IFT140: variants seen among roughly 807,000 people sequenced by gnomAD.
IFT140 encodes intraflagellar transport protein 140 homolog.
In IFT140, 133 loss-of-function variants were observed where a neutral mutation model predicts 164.6. The ratio of observed to expected loss-of-function variants is 0.81; its 90% CI spans 0.70 to 0.93. IFT140 has a LOEUF of 0.93. Ranked by LOEUF, IFT140 falls within the 40% of genes least tolerant of loss-of-function variation. The pLI, the probability that IFT140 is intolerant of heterozygous loss-of-function variation, is 0.00. For missense variants in IFT140, 2,045 were observed against 1,972.3 expected (o/e 1.04, Z -0.70); for synonymous variants, 860 against 817.3 (o/e 1.05, Z -0.89).
chr16:1,532,115 G>T (rs2030558828), intron 19 of IFT140: 1 of 152,382 alleles, frequency 6.6e-6, no homozygotes, highest in African/African-American at 2.4e-5. Context: ...GAGGAGCAGG[G>T]CACAGGCAGG....
Position 1,602,445 on chromosome 16 carries a change from C to A in IFT140, c.294G>T (p.Met98Ile), listed in dbSNP as rs764520349. 2.5e-6 allele frequency: 4 copies of A among 1,614,100 alleles called. No individual in the cohort carries two copies. The East Asian group carries it at 8.9e-5, about 36-fold the overall frequency. ...FNKQDKEQHT[M>I]PLTHTADITV... Reference sequence around the variant, plus strand: ...TGATGTCGGCTGTGTGTGTCAGGGGCATCGTGTGCTGCTCCTTGTCCTGCT... The same window carrying A: ...TGATGTCGGCTGTGTGTGTCAGGGGAATCGTGTGCTGCTCCTTGTCCTGCT... Residue 98 changes from methionine (M) to isoleucine (I), a missense_variant, in exon 4 of 31, where the codon ATG (methionine) becomes ATT (isoleucine). Met to Ile is a conservative substitution (Grantham distance 10). Transcript: ENST00000426508.
chr16:1,587,241 C>T lies in IFT140; in HGVS notation c.966G>A (p.Glu322=). The part of the protein sequence containing the change: ...ILSPDEKFGF[E]KGENMNCVCY... ...ACACACAGTTCATATTCTCTCCTTT[C>T]TCAAAGCCAAACTTCTCATCTGGAC... The change falls in exon 9 of 31, where the codon GAG becomes GAA. Residue 322 remains glutamate (E), a synonymous_variant. Coordinates refer to ENST00000426508, the MANE Select transcript of IFT140 (RefSeq NM_014714.4). 5 of 1,613,254 alleles carry T rather than the reference C, an allele frequency of 3.1e-6. No individual in the cohort carries two copies. Among genetic ancestry groups the T allele is most frequent in the Non-Finnish European group, 4.2e-6 (5 of 1,179,188 alleles).
At chr16:1,602,340 G>GA in intron 4 of IFT140, 30 bp downstream of exon 4, 1 of 1,596,690 alleles carries the variant, frequency 6.3e-7, no homozygotes, top group Middle Eastern at 1.7e-4. Context: ...GTCAAGGTCT[G>GA]AAAACAGCGT....
At chr16:1,539,728 C>T (rs2031445015) in intron 19 of IFT140, among the ~76,000 whole-genome samples, 1 of 152,240 alleles carries the variant, frequency 6.6e-6, no homozygotes, top group Non-Finnish European at 1.5e-5. Context: ...CGAGGGGCAG[C>T]TGCTGCCGCT....
chr16:1,605,867 A>G (rs1229833550), intron 3 of IFT140, among the ~76,000 whole-genome samples: 1 of 152,224 alleles, frequency 6.6e-6, no homozygotes, highest in Non-Finnish European at 1.5e-5. Context: ...CTTTGGAAAC[A>G]GGGTCTTTGC....
At chr16:1,583,902 G>A (rs533024155) in intron 11 of IFT140, among the ~76,000 whole-genome samples, 3 of 152,156 alleles carry the variant, frequency 2.0e-5, no homozygotes, top group African/African-American at 4.8e-5. Flanking sequence ...ACACCCCGAC[G>A]CCTGGCTAAT....
chr16:1,528,089 C>A (rs2029917348), intron 19 of IFT140, among the ~76,000 whole-genome samples: 1 of 152,138 alleles, frequency 6.6e-6, no homozygotes, highest in Non-Finnish European at 1.5e-5. Flanking sequence ...GGAGGTGGGT[C>A]CAAGGCCATC....
intron 22 of IFT140, 103 bp downstream of exon 22, chr16:1,525,128 C>A: frequency 1.7e-6 from 2 of 1,204,864 alleles, no homozygotes; most frequent in South Asian, 2.5e-5. Flanking sequence ...GCTGCCCACT[C>A]GTGCAGGAAG....
chr16:1,541,774 C>G (rs1224553412), intron 19 of IFT140: 2 of 987,946 alleles, frequency 2.0e-6, no homozygotes, highest in African/African-American at 3.4e-5. Context: ...GGGCGTGATG[C>G]TTCCCGAAGC....
At chr16:1,600,893 CAA>C (rs112572080) in intron 4 of IFT140, among the ~76,000 whole-genome samples, 10 of 130,460 alleles carry the variant, frequency 7.7e-5, no homozygotes, top group East Asian at 2.1e-4. Context: ...CATGAAAGAC[CAA>C]AAAAAAAAAA....
chr16:1,574,488 C>T (rs1340800949), intron 13 of IFT140, among the ~76,000 whole-genome samples: 1 of 152,122 alleles, frequency 6.6e-6, no homozygotes, highest in Non-Finnish European at 1.5e-5. Context: ...ACTATGTTGC[C>T]CAGGCTGGTC....
intron 19 of IFT140, among the ~76,000 whole-genome samples, chr16:1,543,585 A>T (rs1183123032): frequency 6.6e-6 from 1 of 152,236 alleles, no homozygotes; most frequent in Non-Finnish European, 1.5e-5. Flanking sequence ...TGACTAAACT[A>T]ACGTGAGCCT....
At chr16:1,609,879 T>A (rs1157696348) in intron 2 of IFT140, 1 of 152,136 alleles carries the variant, frequency 6.6e-6, no homozygotes, top group Non-Finnish European at 1.5e-5. Flanking sequence ...AAAGTTCCAG[T>A]CTCTGGAACA....
intron 18 of IFT140, among the ~76,000 whole-genome samples, chr16:1,561,305 G>A (rs1055540639): frequency 6.6e-6 from 1 of 152,358 alleles, no homozygotes; most frequent in Admixed American, 6.5e-5. Context: ...GACTGTTTCA[G>A]GTCCAAAAGG....
chr16:1,567,963 T>C (rs983125464), intron 15 of IFT140, among the ~76,000 whole-genome samples: 2 of 152,028 alleles, frequency 1.3e-5, no homozygotes, highest in Non-Finnish European at 2.9e-5. Context: ...GAAGGAGGAC[T>C]TGGAGAAAGG....
intron 20 of IFT140, 21 bp downstream of exon 20, chr16:1,526,598 C>G (rs951758349): frequency 6.6e-7 from 1 of 1,513,680 alleles, no homozygotes; most frequent in Non-Finnish European, 8.8e-7. Context: ...TCCCACCCAC[C>G]CCATGGCGGG....
intron 14 of IFT140, among the ~76,000 whole-genome samples, chr16:1,570,995 A>T (rs1179004044): frequency 6.6e-6 from 1 of 152,200 alleles, no homozygotes; most frequent in African/African-American, 2.4e-5. Context: ...GGGCTCAAGC[A>T]GTCTTCTCGC....
intron 19 of IFT140, among the ~76,000 whole-genome samples, chr16:1,528,507 GCAGGCACACACA>G (rs989414519): frequency 1.1e-4 from 17 of 150,368 alleles, no homozygotes; most frequent in East Asian, 5.9e-4. Flanking sequence ...ACACACACAT[GCAGGCACACACA>G]CAGGCACACA....
Position 1,553,248 on chromosome 16 carries a change from GTC to G in IFT140, c.2399+4685_2399+4686del. ...TCCATCTGTCTCTGTGTCTGTCTCTGTCTCTCTGTATCTCTCTTGGTCTCTGT... is the reference window on the plus strand; with the variant it reads ...TCCATCTGTCTCTGTGTCTGTCTCTGTCTCTGTATCTCTCTTGGTCTCTGT... On this transcript the variant is annotated intron_variant, in intron 19 of 30. Coordinates refer to ENST00000426508, the MANE Select transcript of IFT140 (RefSeq NM_014714.4). This position sits in a 1 kb window ranked among gnomAD's most constrained non-coding sequence, Gnocchi z 4.4. 1.0e-6 allele frequency: 1 copy of G among 976,430 alleles called. No individual in the cohort carries two copies. The highest frequency in any genetic ancestry group is 1.2e-6 in the Non-Finnish European group (1 of 822,020). 60.5% of individuals were successfully genotyped at this position (976,430 alleles called of 1,614,324 possible).
Sources: gnomAD v4.1 joint callset for allele counts (sites outside exome capture counted in the v4.1 genomes callset) on GRCh38, gnomAD v4.1.1 for gene constraint, Gnocchi (gnomAD v3.1) non-coding constraint, MANE v1.5 for transcripts, NCBI Gene and HGNC (gene_info 2026-07-23, HGNC 2026-07-21) for gene names.